Variants in PLD5 observed in about 807,000 individuals in gnomAD.
PLD5 encodes phospholipase D family member 5.
In PLD5, 36 loss-of-function variants were observed where a neutral mutation model predicts 61.1. The observed-to-expected ratio is 0.59, with a 90% CI of 0.45 to 0.78. PLD5 has a LOEUF of 0.78. Ranked by LOEUF, PLD5 falls within the 30% of genes least tolerant of loss-of-function variation. The pLI is 0.00. For synonymous variants in PLD5, 243 were observed against 242.8 expected, an observed-to-expected ratio of 1.00 and a Z score of -0.01; for missense variants, 515 against 644.4, an observed-to-expected ratio of 0.80 and a Z score of 2.17.
intron 5 of PLD5, among the ~76,000 whole-genome samples, chr1:242,213,030 G>C (rs1669929256): frequency 6.6e-6 from 1 of 152,148 alleles, no homozygotes; most frequent in South Asian, 2.1e-4. Flanking sequence ...AAAAAGTCTG[G>C]TAAATGGAGA....
chr1:242,410,020 A>C (rs1222925898), intron 1 of PLD5, among the ~76,000 whole-genome samples: 1 of 152,002 alleles, frequency 6.6e-6, no homozygotes. Context: ...CTTCCCAAGG[A>C]CCCCTTTTCC....
At chr1:242,443,881 C>A (rs1666384763) in intron 1 of PLD5, among the ~76,000 whole-genome samples, 1 of 152,154 alleles carries the variant, frequency 6.6e-6, no homozygotes, top group Non-Finnish European at 1.5e-5. Context: ...CCATTTATTG[C>A]ATTGATTTTA....
intron 4 of PLD5, among the ~76,000 whole-genome samples, chr1:242,225,196 T>C (rs575686163): frequency 1.3e-5 from 2 of 151,884 alleles, no homozygotes; most frequent in East Asian, 3.9e-4. Context: ...GCATCACAAA[T>C]AGCGCATGTG....
chr1:242,470,354 AAAAG>A (rs375557724), intron 1 of PLD5, among the ~76,000 whole-genome samples: 43,594 of 140,496 alleles, frequency 0.31, 5,838 homozygotes, highest in African/African-American at 0.4. Context: ...AGAAAAAAAA[AAAAG>A]AAAGAAAGAA....
At chr1:242,223,490 T>G (rs1670732889) in intron 4 of PLD5, among the ~76,000 whole-genome samples, 2 of 152,174 alleles carry the variant, frequency 1.3e-5, no homozygotes, top group Non-Finnish European at 2.9e-5. Flanking sequence ...AGTAAATGGC[T>G]TCACAGTCTG....
chr1:242,479,844 C>T (rs570386534), intron 1 of PLD5, among the ~76,000 whole-genome samples: 1 of 151,148 alleles, frequency 6.6e-6, no homozygotes, highest in African/African-American at 2.4e-5. Flanking sequence ...GAGATCGAGA[C>T]TAACCTGGCC....
chr1:242,492,638 C>T (rs1331697805), intron 1 of PLD5, among the ~76,000 whole-genome samples: 8 of 152,050 alleles, frequency 5.3e-5, no homozygotes, highest in Non-Finnish European at 2.9e-5. Flanking sequence ...ACATGGTTTA[C>T]TATGTGTCTT....
intron 1 of PLD5, among the ~76,000 whole-genome samples, chr1:242,446,268 A>T (rs1666533899): frequency 1.3e-5 from 2 of 151,352 alleles, no homozygotes; most frequent in Non-Finnish European, 2.9e-5. Context: ...AAATAATAAT[A>T]AAATTAAGAA....
chr1:242,507,841 G>A (rs1668775418), intron 1 of PLD5, among the ~76,000 whole-genome samples: 1 of 152,156 alleles, frequency 6.6e-6, no homozygotes, highest in East Asian at 1.9e-4. Context: ...AAGCAAGCCT[G>A]AGATTCAGAA....
At chr1:242,252,871 C>A (rs1244774119) in intron 4 of PLD5, among the ~76,000 whole-genome samples, 1 of 141,350 alleles carries the variant, frequency 7.1e-6, no homozygotes, top group Admixed American at 7.5e-5. Context: ...GGCTGGAGTG[C>A]AGTGGTGTGA....
intron 2 of PLD5, among the ~76,000 whole-genome samples, chr1:242,310,189 G>C (rs1175713481): frequency 6.6e-6 from 1 of 152,142 alleles, no homozygotes; most frequent in Non-Finnish European, 1.5e-5. Flanking sequence ...ATTGCAGGAA[G>C]TGTCTCATTC....
At chr1:242,362,007 G>GA (rs1417234432) in intron 1 of PLD5, among the ~76,000 whole-genome samples, 3 of 142,574 alleles carry the variant, frequency 2.1e-5, no homozygotes, top group Non-Finnish European at 3.1e-5. Flanking sequence ...TTTTAAAGAG[G>GA]AAAAAAATGG....
At chr1:242,484,752 G>A (rs181720043) in intron 1 of PLD5, among the ~76,000 whole-genome samples, 1 of 151,396 alleles carries the variant, frequency 6.6e-6, no homozygotes, top group Admixed American at 6.6e-5. Flanking sequence ...CAGAGACACA[G>A]CAAAAAAAGA....
At chr1:242,331,129 A>T (rs542116510) in intron 2 of PLD5, among the ~76,000 whole-genome samples, 11 of 152,262 alleles carry the variant, frequency 7.2e-5, no homozygotes, top group African/African-American at 2.2e-4. Context: ...TGAGCACATG[A>T]CATACACTGG....
At chr1:242,130,703 T>C (rs1377970520) in intron 5 of PLD5, among the ~76,000 whole-genome samples, 2 of 152,208 alleles carry the variant, frequency 1.3e-5, no homozygotes, top group African/African-American at 4.8e-5. Flanking sequence ...CCAGCCTCTG[T>C]GGCCGACCAC....
intron 2 of PLD5, among the ~76,000 whole-genome samples, chr1:242,297,789 GC>G (rs1200044599): frequency 1.3e-4 from 19 of 150,804 alleles, no homozygotes; most frequent in African/African-American, 4.4e-4. Flanking sequence ...ACAGGCGCCC[GC>G]CACCGCGCCC....
At chr1:242,242,676 C>G (rs1405381727) in intron 4 of PLD5, among the ~76,000 whole-genome samples, 1 of 152,118 alleles carries the variant, frequency 6.6e-6, no homozygotes, top group African/African-American at 2.4e-5. Context: ...ATAGCATCTT[C>G]CTTTCTGGGA....
intron 2 of PLD5, among the ~76,000 whole-genome samples, chr1:242,296,076 G>C (rs188056663): frequency 1.4e-4 from 21 of 152,190 alleles, no homozygotes; most frequent in African/African-American, 4.8e-4. Context: ...GCAGAAAAAA[G>C]GTTATTACAA....
At chr1:242,385,335 G>C (rs551366284) in intron 1 of PLD5, among the ~76,000 whole-genome samples, 1 of 152,246 alleles carries the variant, frequency 6.6e-6, no homozygotes, top group Non-Finnish European at 1.5e-5. Context: ...GTCTAGACTT[G>C]CTGGCTCCTT....
Sources: gnomAD v4.1 joint callset for allele counts (sites outside exome capture counted in the v4.1 genomes callset) on GRCh38, gnomAD v4.1.1 for gene constraint, MANE v1.5 for transcripts, NCBI Gene and HGNC (gene_info 2026-07-23, HGNC 2026-07-21) for gene names.